MBD3L1: variants seen among roughly 807,000 people sequenced by gnomAD.
MBD3L1 encodes the protein methyl-CpG-binding domain protein 3-like 1.
For missense variants in MBD3L1, 203 were observed against 230.1 expected (o/e 0.88, Z 0.76); for synonymous variants, 84 against 85.1 (o/e 0.99, Z 0.07).
chr19:8,838,079 T>G (rs2044472421), intron 1 of MBD3L1, among the ~76,000 whole-genome samples: 1 of 150,912 alleles, frequency 6.6e-6, no homozygotes. Context: ...AAACCCCGTC[T>G]CTACTAAAAA....
Position 8,840,967 on chromosome 19 carries a change from G to A in MBD3L1, c.-54G>A, listed in dbSNP as rs139648067. 21 of 151,272 alleles carry A rather than the reference G, an allele frequency of 1.4e-4. No individual in the cohort carries two copies. Among genetic ancestry groups the A allele is most frequent in the African/African-American group, 5.1e-4 (21 of 41,312 alleles). The allele number at this position is 151,272 out of a possible 1,614,324, so 9.4% of individuals were successfully genotyped here. A position where few individuals can be genotyped will look rare whatever the true frequency, so the allele number is the denominator to read the frequency against. ...GTCACAGAGAACAGGGACCTTCCAA[G>A]TTTGAAGTTTTACAAGGCAGGTGTG... On this transcript the variant is annotated 5_prime_UTR_variant, in exon 2 of 3. Coordinates refer to ENST00000595891, the MANE Select transcript of MBD3L1 (RefSeq NM_001393532.1).
At chr19:8,832,864 G>A (rs1437253328) in intron 1 of MBD3L1, among the ~76,000 whole-genome samples, 1 of 152,246 alleles carries the variant, frequency 6.6e-6, no homozygotes, top group East Asian at 1.9e-4. Context: ...GCTGTGGGCG[G>A]AGATAAGCTC....
Position 8,842,740 on chromosome 19 carries a change from G to T in MBD3L1, c.62G>T (p.Gly21Val). The change falls in exon 3 of 3, where the codon GGC becomes GTC. Residue 21 changes from glycine to valine, a missense_variant. Coordinates refer to ENST00000595891, the MANE Select transcript of MBD3L1 (RefSeq NM_001393532.1). ...GTAAACCAATGCAAATCAAAGCCTG[G>T]CTTGAGCACCTCAATCCCTTTGAGA... ...DCVNQCKSKP[G>V]LSTSIPLRMS... 6.2e-7 allele frequency: 1 copy of T among 1,614,178 alleles called. No individual in the cohort carries two copies. Among genetic ancestry groups the T allele is most frequent in the Non-Finnish European group, 8.5e-7 (1 of 1,180,038 alleles).
At position 8,841,176 on chromosome 19, in the gene MBD3L1, G is replaced by A. The variant is rs754651129; in HGVS notation, c.-22+177G>A. 4.6e-5 allele frequency among the ~76,000 whole-genome samples: 7 copies of A among 151,346 alleles called. No homozygotes were observed. The East Asian group carries it at 5.8e-4, about 13-fold the overall frequency. On this transcript the variant is annotated intron_variant, in intron 2 of 2. Transcript: ENST00000595891. ...CGAGTAGCTGGGACTACAGGTGTGCGCCACCACACCCAGCTAATTCTTTTT... is the reference window on the plus strand; with the variant it reads ...CGAGTAGCTGGGACTACAGGTGTGCACCACCACACCCAGCTAATTCTTTTT...
At chr19:8,837,096 T>G (rs975667326) in intron 1 of MBD3L1, among the ~76,000 whole-genome samples, 1 of 152,198 alleles carries the variant, frequency 6.6e-6, no homozygotes, top group Non-Finnish European at 1.5e-5. Context: ...AATGGCCAGT[T>G]TGTCAAGACA....
intron 1 of MBD3L1, among the ~76,000 whole-genome samples, chr19:8,835,126 A>C (rs2044441456): frequency 6.6e-6 from 1 of 150,846 alleles, no homozygotes; most frequent in Non-Finnish European, 1.5e-5. Flanking sequence ...ATTTTGGCTC[A>C]CTGCATCCTC....
chr19:8,839,002 T>C (rs1314265195), intron 1 of MBD3L1, among the ~76,000 whole-genome samples: 13 of 152,236 alleles, frequency 8.5e-5, no homozygotes, highest in South Asian at 4.1e-4. Context: ...GGCCCTTTCC[T>C]TGTTGTTGGT....
intron 1 of MBD3L1, among the ~76,000 whole-genome samples, chr19:8,838,336 G>A (rs960159550): frequency 3.5e-5 from 5 of 143,298 alleles, no homozygotes; most frequent in Non-Finnish European, 7.5e-5. Flanking sequence ...CTGTGGAAAT[G>A]ACAGATGTCA....
At chr19:8,832,786 C>T (rs745443211) in intron 1 of MBD3L1, among the ~76,000 whole-genome samples, 2 of 148,994 alleles carry the variant, frequency 1.3e-5, no homozygotes, top group East Asian at 2.0e-4. Flanking sequence ...GGGTGGAGAC[C>T]TCCATTTCCG....
chr19:8,843,148 A>G lies in MBD3L1; in HGVS notation c.470A>G (p.Gln157Arg), dbSNP rs759130402. ...FLVTEEDIRKQEGKVKTVRER... is the reference protein window; with the variant it reads ...FLVTEEDIRKREGKVKTVRER... ...GTTACTGAGGAAGATATCAGGAAAC[A>G]GGAAGGGAAAGTGAAGACAGTCAGA... Residue 157 changes from glutamine to arginine, a missense_variant, in exon 3 of 3, where the codon CAG becomes CGG. Coordinates refer to ENST00000595891, the MANE Select transcript of MBD3L1 (RefSeq NM_001393532.1). 1.2e-6 allele frequency: 2 copies of G among 1,613,810 alleles called. No homozygotes were observed. Among genetic ancestry groups the G allele is most frequent in the Non-Finnish European group, 1.7e-6 (2 of 1,179,898 alleles).
In MBD3L1 at chr19:8,842,498, T is replaced by G. The variant is rs2044523492; in HGVS notation, c.-21-160T>G. 1.9e-5 allele frequency: 11 copies of G among 581,766 alleles called. 1 individual carries two copies. In the South Asian group the frequency reaches 2.0e-4, roughly 11 times the overall value. 36.0% of individuals were successfully genotyped at this position (581,766 alleles called of 1,614,324 possible). On this transcript the variant is annotated intron_variant, in intron 2 of 2. Coordinates refer to ENST00000595891, the MANE Select transcript of MBD3L1 (RefSeq NM_001393532.1). ...GGAGATTTTGACCTTGAACTTTCTG[T>G]GCTTGACTCAAATCTGCCTGATGAT...
chr19:8,838,886 G>T (rs889744249), intron 1 of MBD3L1, among the ~76,000 whole-genome samples: 8 of 152,168 alleles, frequency 5.3e-5, no homozygotes, highest in Non-Finnish European at 1.2e-4. Flanking sequence ...ATAAGGTCGT[G>T]TTCCTGGGAC....
rs574067538 is a variant in MBD3L1, at chr19:8,834,065, G to C, written c.-107+1543G>C. Among the ~76,000 whole-genome samples, 21 of 152,234 alleles carry C rather than the reference G, an allele frequency of 1.4e-4. No homozygotes were observed. In the South Asian group the frequency reaches 1.5e-3, roughly 11 times the overall value. On this transcript the variant is annotated intron_variant, in intron 1 of 2. Coordinates refer to ENST00000595891, the MANE Select transcript of MBD3L1 (RefSeq NM_001393532.1). Reference sequence around the variant, plus strand: ...TAAGTGCAAAGGGAAAAAATTTTATGTAAGAGAGTGGTAACATTTAAAATC... The same window carrying C: ...TAAGTGCAAAGGGAAAAAATTTTATCTAAGAGAGTGGTAACATTTAAAATC...
intron 2 of MBD3L1, among the ~76,000 whole-genome samples, chr19:8,842,160 C>A (rs2044519389): frequency 6.6e-6 from 1 of 151,804 alleles, no homozygotes; most frequent in Admixed American, 6.6e-5. Flanking sequence ...GAAACCTCGT[C>A]TCTACAAAAA....
chr19:8,834,336 G>A lies in MBD3L1; in HGVS notation c.-107+1814G>A, dbSNP rs1026484361. ...ACAAAAGAATGAAATTGGGCTGGGC[G>A]TGGTGGCTCACGCCTGTAACCCCAG... On this transcript the variant is annotated intron_variant, in intron 1 of 2. Transcript: ENST00000595891. Among the ~76,000 whole-genome samples the A allele has an allele frequency of 3.3e-5, 5 of 152,226 alleles. No individual in the cohort carries two copies. In the East Asian group the frequency reaches 7.7e-4, roughly 24 times the overall value.
intron 2 of MBD3L1, among the ~76,000 whole-genome samples, chr19:8,842,318 CA>C (rs35231202): frequency 0.036 from 4,143 of 114,166 alleles, 144 homozygotes; most frequent in African/African-American, 0.12. Flanking sequence ...CGGAGTGGGA[CA>C]AAAAAAAAAA....
rs374782705 is a variant in MBD3L1, at chr19:8,842,999, G to T, written c.321G>T (p.Glu107Asp). ...VPSYTGGSLL[E>D]DLASGLEHSC... ...GTTACACAGGTGGATCTCTGCTGGAGGATCTTGCCAGTGGTCTGGAGCACT... is the reference window on the plus strand; with the variant it reads ...GTTACACAGGTGGATCTCTGCTGGATGATCTTGCCAGTGGTCTGGAGCACT... Residue 107 changes from glutamate to aspartate, a missense_variant, in exon 3 of 3, where the codon GAG becomes GAT. Glu to Asp is a conservative substitution (Grantham distance 45, BLOSUM62 2). Transcript: ENST00000595891. The T allele has an allele frequency of 6.2e-7, 1 of 1,614,106 alleles. No individual in the cohort carries two copies. The highest frequency in any genetic ancestry group is 1.3e-5 in the African/African-American group (1 of 74,942).
At chr19:8,833,846 G>T (rs1239604530) in intron 1 of MBD3L1, among the ~76,000 whole-genome samples, 1 of 152,016 alleles carries the variant, frequency 6.6e-6, no homozygotes, top group Non-Finnish European at 1.5e-5. Context: ...AATTAGCCGG[G>T]CGTGGTGGCG....
At chr19:8,839,070 T>C (rs896076850) in intron 1 of MBD3L1, among the ~76,000 whole-genome samples, 1 of 152,200 alleles carries the variant, frequency 6.6e-6, no homozygotes, top group Non-Finnish European at 1.5e-5. Context: ...TTTTTTGTAA[T>C]GAGTTCCAGA....
Sources: gnomAD v4.1 joint callset for allele counts (sites outside exome capture counted in the v4.1 genomes callset) on GRCh38, gnomAD v4.1.1 for gene constraint, MANE v1.5 for transcripts, NCBI Gene and HGNC (gene_info 2026-07-23, HGNC 2026-07-21) for gene names.